The following MAP7 variants were observed in gnomAD, a reference collection of about 807,000 sequenced individuals.
MAP7 encodes the protein microtubule associated protein 7.
Under a neutral mutation model 94.8 loss-of-function variants are expected in MAP7, and 52 were observed. The ratio of observed to expected loss-of-function variants is 0.55; its 90% CI spans 0.44 to 0.69. The LOEUF is 0.69. Ranked by LOEUF, MAP7 falls within the 30% of genes least tolerant of loss-of-function variation. MAP7 has a pLI of 0.00. For synonymous variants in MAP7, 350 were observed against 357.0 expected (o/e 0.98, Z 0.22); for missense variants, 940 against 964.6 (o/e 0.97, Z 0.34).
chr6:136,549,862 C>T (rs1021266413), intron 1 of MAP7, among the ~76,000 whole-genome samples: 9 of 152,196 alleles, frequency 5.9e-5, no homozygotes, highest in Admixed American at 2.6e-4. Context: ...ACACCGACCC[C>T]GCTGAGGAGC....
chr6:136,462,975 A>G (rs759612743), intron 1 of MAP7, among the ~76,000 whole-genome samples: 17 of 151,700 alleles, frequency 1.1e-4, no homozygotes, highest in Non-Finnish European at 7.4e-5. Context: ...AAAAAAGAAA[A>G]CAAAAAACCC....
At chr6:136,533,421 A>C (rs1479871052) in intron 1 of MAP7, among the ~76,000 whole-genome samples, 1 of 152,236 alleles carries the variant, frequency 6.6e-6, no homozygotes, top group Admixed American at 6.5e-5. Flanking sequence ...AAACCAATTC[A>C]GTGTATGACT....
intron 8 of MAP7, among the ~76,000 whole-genome samples, chr6:136,369,969 ACAAT>A (rs1795198084): frequency 6.6e-6 from 1 of 152,226 alleles, no homozygotes; most frequent in African/African-American, 2.4e-5. Flanking sequence ...ATCAAAGGAA[ACAAT>A]CAGTAGAGTA....
intron 1 of MAP7, among the ~76,000 whole-genome samples, chr6:136,530,361 G>A (rs916351800): frequency 1.3e-5 from 2 of 152,126 alleles, no homozygotes; most frequent in Non-Finnish European, 2.9e-5. Context: ...TTCAACATTC[G>A]AAGAGATGGT....
At position 136,365,858 on chromosome 6, in the gene MAP7, C is replaced by A. The variant is rs749343888; in HGVS notation, c.1150G>T (p.Asp384Tyr). The change falls in exon 10 of 18, where the codon GAT becomes TAT. Residue 384 changes from aspartate (D) to tyrosine (Y), a missense_variant. Asp to Tyr is a radical substitution (Grantham distance 160). Transcript: ENST00000354570. The part of the protein sequence containing the change: ...REVKVEPEKK[D>Y]PEKEPQKVAN... The stretch of plus-strand genomic sequence containing the variant: ...ACTTTCTGAGGTTCCTTCTCAGGAT[C>A]TTTCTTCTCAGGCTCCACTTTGACT... 1.9e-6 allele frequency: 3 copies of A among 1,614,140 alleles called. No homozygotes were observed. The highest frequency in any genetic ancestry group is 2.5e-6 in the Non-Finnish European group (3 of 1,180,030).
At chr6:136,435,886 C>T (rs555290646) in intron 1 of MAP7, among the ~76,000 whole-genome samples, 28 of 152,248 alleles carry the variant, frequency 1.8e-4, no homozygotes, top group Admixed American at 3.3e-4. Flanking sequence ...GGGTGAATAA[C>T]TATACACATG....
At chr6:136,436,086 C>T (rs1007598112) in intron 1 of MAP7, among the ~76,000 whole-genome samples, 1 of 151,974 alleles carries the variant, frequency 6.6e-6, no homozygotes, top group Non-Finnish European at 1.5e-5. Context: ...AAAACAAGCA[C>T]TATAAGAGTA....
intron 1 of MAP7, among the ~76,000 whole-genome samples, chr6:136,547,440 C>T (rs9399186): frequency 0.053 from 8,053 of 152,084 alleles, 460 homozygotes; most frequent in African/African-American, 0.14. Flanking sequence ...TGAACATGAA[C>T]ATAAAATTAA....
Position 136,550,212 on chromosome 6 carries a change from G to A in MAP7, c.67+130C>T. 1 of 704,228 alleles carries A rather than the reference G, an allele frequency of 1.4e-6. No individual in the cohort carries two copies. The allele number at this position is 704,228 out of a possible 1,614,324, so 43.6% of individuals were successfully genotyped here. A position where few individuals can be genotyped will look rare whatever the true frequency, so the allele number is the denominator to read the frequency against. The stretch of plus-strand genomic sequence containing the variant: ...GCAGGGTGCGCGGCGCGCAGGGCCG[G>A]TTGTTCCGGGCCGCGGCCGCGCGGG... On this transcript the variant is annotated intron_variant, in intron 1 of 17. Transcript: ENST00000354570. The surrounding 1 kb of genome is among the most constrained non-coding windows in gnomAD (Gnocchi z 5.1).
chr6:136,388,364 G>A, intron 5 of MAP7, 29 bp downstream of exon 5: 1 of 1,501,164 alleles, frequency 6.7e-7, no homozygotes, highest in Non-Finnish European at 9.2e-7. Context: ...GGAAAATAAA[G>A]ACTAATTTTC....
At chr6:136,486,054 C>G (rs1814643919) in intron 1 of MAP7, among the ~76,000 whole-genome samples, 1 of 152,160 alleles carries the variant, frequency 6.6e-6, no homozygotes, top group Non-Finnish European at 1.5e-5. Context: ...CTGCTTGCTG[C>G]TGTATCTACA....
chr6:136,350,458 T>C (rs892885638), intron 16 of MAP7, among the ~76,000 whole-genome samples: 47 of 152,216 alleles, frequency 3.1e-4, no homozygotes, highest in South Asian at 2.1e-4. Context: ...TTTAACAGAA[T>C]TTCAGATGTA....
At chr6:136,503,628 A>G (rs1161844032) in intron 1 of MAP7, among the ~76,000 whole-genome samples, 1 of 152,200 alleles carries the variant, frequency 6.6e-6, no homozygotes, top group Non-Finnish European at 1.5e-5. Context: ...AACCACCTAA[A>G]CAGTGCTGTC....
intron 1 of MAP7, among the ~76,000 whole-genome samples, chr6:136,549,707 C>G (rs1217469297): frequency 2.6e-5 from 4 of 152,250 alleles, no homozygotes; most frequent in African/African-American, 9.6e-5. Context: ...CAACGAAAGT[C>G]TGATCCCGTC....
chr6:136,485,058 C>T (rs1352754567), intron 1 of MAP7, among the ~76,000 whole-genome samples: 1 of 152,122 alleles, frequency 6.6e-6, no homozygotes, highest in Non-Finnish European at 1.5e-5. Context: ...TATTTCAAAG[C>T]TTCTACTGTA....
In MAP7 at chr6:136,438,212, T is replaced by C. The variant is rs78933336; in HGVS notation, c.68-16413A>G. Among the ~76,000 whole-genome samples, 1,364 of 152,338 alleles carry C rather than the reference T, an allele frequency of 9.0e-3. 57 individuals carry two copies. In the East Asian group the frequency reaches 0.14, roughly 15 times the overall value. On this transcript the variant is annotated intron_variant, in intron 1 of 17. Transcript: ENST00000354570. ...ACATAGTAACAGCAGCATCAGCAAC[T>C]GTGAGAACCATTTATCGTAATAGGC...
At chr6:136,545,929 G>C (rs929178417) in intron 1 of MAP7, among the ~76,000 whole-genome samples, 1 of 152,122 alleles carries the variant, frequency 6.6e-6, no homozygotes, top group African/African-American at 2.4e-5. Context: ...TACACTCTTA[G>C]ATATTTTTAA....
chr6:136,531,474 G>C (rs924749713), intron 1 of MAP7, among the ~76,000 whole-genome samples: 1 of 144,342 alleles, frequency 6.9e-6, no homozygotes. Flanking sequence ...TGACAGATGG[G>C]GTGCTTTGGG....
At chr6:136,355,347 GA>G (rs1441704320) in intron 16 of MAP7, among the ~76,000 whole-genome samples, 10 of 150,078 alleles carry the variant, frequency 6.7e-5, no homozygotes, top group African/African-American at 1.5e-4. Context: ...TTAAAACTAA[GA>G]AAAAAATACC....
Sources: gnomAD v4.1 joint callset for allele counts (sites outside exome capture counted in the v4.1 genomes callset) on GRCh38, gnomAD v4.1.1 for gene constraint, Gnocchi (gnomAD v3.1) non-coding constraint, MANE v1.5 for transcripts, NCBI Gene and HGNC (gene_info 2026-07-23, HGNC 2026-07-21) for gene names.